The following GRIN3A variants were observed in gnomAD, a reference collection of about 807,000 sequenced individuals.
GRIN3A encodes the protein glutamate receptor ionotropic, NMDA 3A.
In GRIN3A, 47 loss-of-function variants were observed where a neutral mutation model predicts 92.4. The ratio of observed to expected loss-of-function variants is 0.51; its 90% CI spans 0.40 to 0.65. The LOEUF is 0.65. Among genes scored for constraint, GRIN3A ranks in the 30% least tolerant of loss-of-function variants. The pLI is 0.00. For synonymous variants in GRIN3A, 527 were observed against 540.6 expected (o/e 0.97, Z 0.35); for missense variants, 1,324 against 1,393.1 (o/e 0.95, Z 0.79).
chr9:101,600,181 A>G (rs1828193243), intron 6 of GRIN3A, among the ~76,000 whole-genome samples: 1 of 152,204 alleles, frequency 6.6e-6, no homozygotes, highest in Non-Finnish European at 1.5e-5. Flanking sequence ...GATAGATTAT[A>G]AGAAGAAGGG....
chr9:101,680,801 G>C (rs934757648), intron 2 of GRIN3A, among the ~76,000 whole-genome samples: 2 of 152,176 alleles, frequency 1.3e-5, no homozygotes, highest in Non-Finnish European at 2.9e-5. Context: ...GCAAATACAT[G>C]TGAACAAAGG....
chr9:101,694,940 C>A (rs1043495409), intron 1 of GRIN3A, among the ~76,000 whole-genome samples: 2 of 152,092 alleles, frequency 1.3e-5, no homozygotes. Flanking sequence ...TCTTCAGGAG[C>A]GTCTAGAAAG....
chr9:101,683,449 T>A (rs1214645988), intron 2 of GRIN3A, among the ~76,000 whole-genome samples: 2 of 152,318 alleles, frequency 1.3e-5, no homozygotes, highest in East Asian at 3.9e-4. Flanking sequence ...ACTTACTTTC[T>A]GAAAGACTGT....
chr9:101,629,274 C>T (rs890112250), intron 3 of GRIN3A, among the ~76,000 whole-genome samples: 1 of 151,758 alleles, frequency 6.6e-6, no homozygotes, highest in African/African-American at 2.4e-5. Flanking sequence ...ATATATTATA[C>T]ACACACACAC....
intron 3 of GRIN3A, among the ~76,000 whole-genome samples, chr9:101,629,180 C>T (rs543777073): frequency 6.6e-6 from 1 of 152,146 alleles, no homozygotes; most frequent in South Asian, 2.1e-4. Context: ...GGCAAATGCT[C>T]ATATGGCAAG....
intron 6 of GRIN3A, among the ~76,000 whole-genome samples, chr9:101,604,011 G>A (rs1828243483): frequency 6.6e-6 from 1 of 152,186 alleles, no homozygotes; most frequent in Non-Finnish European, 1.5e-5. Flanking sequence ...TGTGGAATTG[G>A]GTATTTTTCA....
At chr9:101,631,080 C>T (rs1828705261) in intron 3 of GRIN3A, among the ~76,000 whole-genome samples, 1 of 152,120 alleles carries the variant, frequency 6.6e-6, no homozygotes, top group Non-Finnish European at 1.5e-5. Flanking sequence ...TAGAATCTAT[C>T]ACAGTTGCAG....
At chr9:101,693,247 ATAT>A (rs1177872238) in intron 1 of GRIN3A, among the ~76,000 whole-genome samples, 1 of 6,286 alleles carries the variant, frequency 1.6e-4, no homozygotes, top group Non-Finnish European at 1.1e-3. Context: ...CAGCTAAAAT[ATAT>A]ATATATATAT....
intron 6 of GRIN3A, among the ~76,000 whole-genome samples, chr9:101,609,865 T>G (rs1828336532): frequency 1.3e-5 from 2 of 152,328 alleles, no homozygotes; most frequent in South Asian, 2.1e-4. Flanking sequence ...ATTTTTTAAA[T>G]TAAAAATCTT....
Position 101,671,176 on chromosome 9 carries a change from CT to C in GRIN3A, c.1305-70del, listed in dbSNP as rs1261728814. Reference sequence around the variant, plus strand: ...GCCTAAGATAGGAAGCAGTGTTCAGCTTTGCTTCCTTGTCTTAATAAAAATA... The same window carrying C: ...GCCTAAGATAGGAAGCAGTGTTCAGCTTGCTTCCTTGTCTTAATAAAAATA... On this transcript the variant is annotated intron_variant, in intron 2 of 8. Coordinates refer to ENST00000361820, the MANE Select transcript of GRIN3A (RefSeq NM_133445.3). 5 of 1,042,700 alleles carry C rather than the reference CT, an allele frequency of 4.8e-6. No individual in the cohort carries two copies. In the East Asian group the frequency reaches 1.2e-4, roughly 25 times the overall value. The allele number at this position is 1,042,700 out of a possible 1,614,324, so 64.6% of individuals were successfully genotyped here.
intron 5 of GRIN3A, among the ~76,000 whole-genome samples, chr9:101,619,446 C>T (rs1475701769): frequency 6.6e-6 from 1 of 152,104 alleles, no homozygotes; most frequent in African/African-American, 2.4e-5. Flanking sequence ...AATCAATATA[C>T]TATATAATAA....
At chr9:101,724,277 G>A (rs1830054983) in intron 1 of GRIN3A, among the ~76,000 whole-genome samples, 1 of 152,194 alleles carries the variant, frequency 6.6e-6, no homozygotes, top group Non-Finnish European at 1.5e-5. Flanking sequence ...GGCAGCTAAG[G>A]CCCGGCGAGA....
intron 2 of GRIN3A, among the ~76,000 whole-genome samples, chr9:101,675,321 T>C (rs1008420648): frequency 1.3e-5 from 2 of 152,052 alleles, no homozygotes; most frequent in Non-Finnish European, 2.9e-5. Context: ...ACTTTGCAAA[T>C]TACTTAGAAA....
chr9:101,719,418 T>TA (rs34048066), intron 1 of GRIN3A, among the ~76,000 whole-genome samples: 23,537 of 139,830 alleles, frequency 0.17, 2,270 homozygotes, highest in Middle Eastern at 0.23. Context: ...GACTCCATCT[T>TA]AAAAAAAAAA....
intron 1 of GRIN3A, among the ~76,000 whole-genome samples, chr9:101,708,321 G>A (rs1415787406): frequency 6.6e-6 from 1 of 152,154 alleles, no homozygotes. Context: ...GTCCAGTGTT[G>A]AGGAGACTGG....
intron 3 of GRIN3A, among the ~76,000 whole-genome samples, chr9:101,650,123 C>A (rs1287697956): frequency 6.6e-6 from 1 of 152,036 alleles, no homozygotes; most frequent in Non-Finnish European, 1.5e-5. Context: ...TCTAAAACAC[C>A]TATACATTTC....
intron 1 of GRIN3A, among the ~76,000 whole-genome samples, chr9:101,725,614 T>C (rs1411106762): frequency 1.3e-5 from 2 of 152,220 alleles, no homozygotes; most frequent in African/African-American, 2.4e-5. Context: ...AATTCAGTAG[T>C]TGACACTATG....
At chr9:101,614,629 T>C (rs1333555503) in intron 5 of GRIN3A, among the ~76,000 whole-genome samples, 3 of 140,046 alleles carry the variant, frequency 2.1e-5, no homozygotes, top group Non-Finnish European at 3.1e-5. Flanking sequence ...TTTTTTTTTT[T>C]TTTTTTTGGA....
Position 101,569,937 on chromosome 9 carries a change from GCTTACCA to G in GRIN3A, c.*3230_*3236del, listed in dbSNP as rs1564115785. ...GTCTGTTCTGCTTGGCACTTGCTCCGCTTACCACTTTTCTGGCTGGAAGGGAAGCAGC... is the reference window on the plus strand; with the variant it reads ...GTCTGTTCTGCTTGGCACTTGCTCCGCTTTTCTGGCTGGAAGGGAAGCAGC... On this transcript the variant is annotated 3_prime_UTR_variant, in exon 9 of 9. Coordinates refer to ENST00000361820, the MANE Select transcript of GRIN3A (RefSeq NM_133445.3). 2 of 152,138 alleles carry G rather than the reference GCTTACCA, an allele frequency of 1.3e-5. No individual in the cohort carries two copies. Among genetic ancestry groups the G allele is most frequent in the African/African-American group, 4.8e-5 (2 of 41,396 alleles). The allele number at this position is 152,138 out of a possible 1,614,324, so 9.4% of individuals were successfully genotyped here. A position where few individuals can be genotyped will look rare whatever the true frequency, so the allele number is the denominator to read the frequency against.
Sources: allele counts gnomAD v4.1 joint callset (sites outside exome capture counted in the v4.1 genomes callset), GRCh38; gene constraint gnomAD v4.1.1; transcripts MANE v1.5; gene names NCBI Gene and HGNC (gene_info 2026-07-23, HGNC 2026-07-21).